The following SLC27A5 variants were observed in gnomAD, a reference collection of about 807,000 sequenced individuals.
SLC27A5 encodes long-chain fatty acid transport protein 5.
SLC27A5 carries 47 observed loss-of-function variants against 63.1 expected under a neutral mutation model. The ratio of observed to expected loss-of-function variants is 0.74; its 90% CI spans 0.59 to 0.95. The LOEUF (loss-of-function observed/expected upper bound fraction) is 0.95, where lower values mean the gene tolerates loss of function less well. Among genes scored for constraint, SLC27A5 ranks in the 40% least tolerant of loss-of-function variants. The probability of loss-of-function intolerance (pLI) is 0.00; values close to 1 mark genes in which losing one functional copy is unlikely to be tolerated. For missense variants in SLC27A5, 940 were observed against 921.0 expected, an observed-to-expected ratio of 1.02 and a Z score of -0.27; for synonymous variants, 391 against 403.8, an observed-to-expected ratio of 0.97 and a Z score of 0.38.
At chr19:58,501,096 A>G in intron 4 of SLC27A5, 190 bp downstream of exon 4, 1 of 1,173,774 alleles carries the variant, frequency 8.5e-7, no homozygotes, top group Non-Finnish European at 1.1e-6. Flanking sequence ...GAGGACACTG[A>G]GGCTCAAGGT....
chr19:58,502,726 G>A (rs1352202981), intron 3 of SLC27A5, among the ~76,000 whole-genome samples: 3 of 150,798 alleles, frequency 2.0e-5, no homozygotes, highest in Non-Finnish European at 4.4e-5. Flanking sequence ...TGAGTGAGTA[G>A]ATGGATGGGT....
Position 58,509,833 on chromosome 19 carries a change from A to T in SLC27A5, c.1057+14T>A. 6.2e-7 allele frequency: 1 copy of T among 1,606,356 alleles called. No homozygotes were observed. Among genetic ancestry groups the T allele is most frequent in the Non-Finnish European group, 8.5e-7 (1 of 1,175,762 alleles). The stretch of plus-strand genomic sequence containing the variant: ...GGTCCTGTAGACTGGAGGGATCCTC[A>T]GAAGTGGGCTTACCGAGATCTAAGC... On this transcript the variant is annotated intron_variant, in intron 3 of 9. Transcript: ENST00000263093.
At chr19:58,500,222 G>T (rs1228746220) in intron 6 of SLC27A5, 117 bp downstream of exon 6, 2 of 809,376 alleles carry the variant, frequency 2.5e-6, no homozygotes, top group Non-Finnish European at 4.0e-6. Flanking sequence ...CCAGATGAAG[G>T]CTGCAGACCC....
chr19:58,502,203 A>C (rs922767547), intron 3 of SLC27A5, among the ~76,000 whole-genome samples: 1 of 151,380 alleles, frequency 6.6e-6, no homozygotes, highest in Non-Finnish European at 1.5e-5. Context: ...GTAGTGAGTG[A>C]GTAGATGGAT....
At chr19:58,508,655 T>C (rs2053374651) in intron 3 of SLC27A5, 1 of 151,968 alleles carries the variant, frequency 6.6e-6, no homozygotes, top group Non-Finnish European at 1.5e-5. Flanking sequence ...ACAGATGGCC[T>C]CTTACTATGT....
At chr19:58,504,386 C>T (rs995986804) in intron 3 of SLC27A5, among the ~76,000 whole-genome samples, 35 of 151,444 alleles carry the variant, frequency 2.3e-4, no homozygotes, top group Middle Eastern at 3.5e-3. Flanking sequence ...CGGTGGCTCA[C>T]GCCTGTAATC....
chr19:58,511,712 G>C lies in SLC27A5; in HGVS notation c.244C>G (p.Pro82Ala), dbSNP rs1325180771. Reference protein sequence around the residue: ...ALTLLPARLPPGLRWLPADVI... With the variant: ...ALTLLPARLPAGLRWLPADVI... ...TCAGCCGGCAGCCAGCGTAGTCCTGGGGGCAGCCGTGCTGGCAGGAGGGTT... is the reference window on the plus strand; with the variant it reads ...TCAGCCGGCAGCCAGCGTAGTCCTGCGGGCAGCCGTGCTGGCAGGAGGGTT... Residue 82 changes from proline to alanine, a missense_variant, in exon 1 of 10, where the codon CCA (proline) becomes GCA (alanine). Transcript: ENST00000263093. 1 of 1,560,774 alleles carries C rather than the reference G, an allele frequency of 6.4e-7. No homozygotes were observed. Among genetic ancestry groups the C allele is most frequent in the African/African-American group, 1.4e-5 (1 of 73,758 alleles).
chr19:58,500,473 G>T, intron 5 of SLC27A5, 39 bp downstream of exon 5: 1 of 1,613,432 alleles, frequency 6.2e-7, no homozygotes, highest in Non-Finnish European at 8.5e-7. Context: ...TGTGGGCTCA[G>T]CCTCAGGGCA....
intron 3 of SLC27A5, among the ~76,000 whole-genome samples, chr19:58,502,117 CAGTT>C (rs2053280141): frequency 6.6e-6 from 1 of 152,078 alleles, no homozygotes; most frequent in Non-Finnish European, 1.5e-5. Context: ...AATGGATGGA[CAGTT>C]AGAGTAGTGA....
intron 6 of SLC27A5, 112 bp downstream of exon 6, chr19:58,500,227 A>T: frequency 1.2e-6 from 1 of 851,684 alleles, no homozygotes; most frequent in South Asian, 1.5e-5. Context: ...TGAAGGCTGC[A>T]GACCCCTCTA....
In SLC27A5 at chr19:58,511,328, C is replaced by G. The variant is rs1404669516; in HGVS notation, c.628G>C (p.Gly210Arg). The change falls in exon 1 of 10, where the codon GGG (glycine) becomes CGG (arginine). Residue 210 changes from glycine to arginine, a missense_variant. Coordinates refer to ENST00000263093, the MANE Select transcript of SLC27A5 (RefSeq NM_012254.3). ...AGCACAGAGTGCGCCAGGGGCATCCCCCGGCCATGCGGGTTGATCCAGGCT... is the reference window on the plus strand; with the variant it reads ...AGCACAGAGTGCGCCAGGGGCATCCGCCGGCCATGCGGGTTGATCCAGGCT... ...PTAWINPHGRGMPLAHSVLSS... is the reference protein window; with the variant it reads ...PTAWINPHGRRMPLAHSVLSS... 3 of 1,595,406 alleles carry G rather than the reference C, an allele frequency of 1.9e-6. No homozygotes were observed. Among genetic ancestry groups the G allele is most frequent in the Non-Finnish European group, 2.6e-6 (3 of 1,166,916 alleles).
rs762064535 is a variant in SLC27A5, at chr19:58,510,770, C to A, written c.849G>T (p.Gly283=). The A allele has an allele frequency of 1.9e-6, 3 of 1,613,492 alleles. No individual in the cohort carries two copies. The highest frequency in any genetic ancestry group is 2.5e-6 in the Non-Finnish European group (3 of 1,179,834). Residue 283 remains glycine, a synonymous_variant, in exon 2 of 10, where the codon GGG becomes GGT. Coordinates refer to ENST00000263093, the MANE Select transcript of SLC27A5 (RefSeq NM_012254.3). ...SHPVPADLRA[G]ITWRSPALFI... ...AGAGGGCAGGGCTTCTCCATGTGAT[C>A]CCAGCACGCAGGTCAGCAGGCACTG... is the stretch of plus-strand genomic sequence containing the variant.
At chr19:58,500,731 G>A (rs1172088129) in intron 4 of SLC27A5, 25 bp from the exon 5 acceptor site, 1 of 1,602,270 alleles carries the variant, frequency 6.2e-7, no homozygotes, top group East Asian at 2.2e-5. Context: ...CCAGAAGGGT[G>A]AGGAGGAGGT....
intron 3 of SLC27A5, among the ~76,000 whole-genome samples, chr19:58,506,391 C>A (rs377640856): frequency 1.3e-5 from 2 of 152,126 alleles, no homozygotes; most frequent in African/African-American, 4.8e-5. Context: ...AAACATTAGC[C>A]AGGTGTGGAG....
intron 3 of SLC27A5, chr19:58,508,935 G>A (rs2053378012): frequency 6.6e-6 from 1 of 152,080 alleles, no homozygotes; most frequent in Non-Finnish European, 1.5e-5. Flanking sequence ...AAATTAGCTG[G>A]GCGTGGTGGT....
chr19:58,508,630 T>A (rs903212704), intron 3 of SLC27A5: 4 of 152,046 alleles, frequency 2.6e-5, no homozygotes, highest in Non-Finnish European at 5.9e-5. Context: ...CGTGGCTTTT[T>A]AAAATTTTTT....
At chr19:58,504,211 A>G (rs1334696762) in intron 3 of SLC27A5, among the ~76,000 whole-genome samples, 2 of 152,236 alleles carry the variant, frequency 1.3e-5, no homozygotes. Flanking sequence ...GATATTAAGG[A>G]CATCATATGA....
chr19:58,498,645 A>G lies in SLC27A5; in HGVS notation c.1943T>C (p.Leu648Ser). The change falls in exon 10 of 10, where the codon TTG becomes TCG. Residue 648 changes from leucine to serine, a missense_variant. Physicochemically the swap from Leu to Ser is moderately radical, Grantham distance 145. Coordinates refer to ENST00000263093, the MANE Select transcript of SLC27A5 (RefSeq NM_012254.3). ...CCCCACATTGAAGCCCTCACGCACC[A>G]ACCGGGTCTTCATCAGTTTGAACGT... ...TSTFKLMKTRLVREGFNVGIV... is the reference protein window; with the variant it reads ...TSTFKLMKTRSVREGFNVGIV... The G allele has an allele frequency of 6.2e-7, 1 of 1,614,136 alleles. No individual in the cohort carries two copies. The highest frequency in any genetic ancestry group is 8.5e-7 in the Non-Finnish European group (1 of 1,180,014).
chr19:58,500,744 T>C (rs771515401), intron 4 of SLC27A5, 38 bp from the exon 5 acceptor site: 36 of 1,598,122 alleles, frequency 2.3e-5, no homozygotes, highest in Non-Finnish European at 2.9e-5. Flanking sequence ...GAGGAGGTGC[T>C]CTTGGGGCAT....
Sources: gnomAD v4.1 joint callset for allele counts (sites outside exome capture counted in the v4.1 genomes callset) on GRCh38, gnomAD v4.1.1 for gene constraint, MANE v1.5 for transcripts, NCBI Gene and HGNC (gene_info 2026-07-23, HGNC 2026-07-21) for gene names.